The following ANKRD30BL variants were observed in gnomAD, a reference collection of about 807,000 sequenced individuals.
ANKRD30BL encodes the protein putative ankyrin repeat domain-containing protein 30B-like.
Under a neutral mutation model 18.4 loss-of-function variants are expected in ANKRD30BL, and 20 were observed. That is an observed-to-expected ratio of 1.09 (90% CI 0.77 to 1.58). The LOEUF (loss-of-function observed/expected upper bound fraction) is 1.58. Ranked by LOEUF, ANKRD30BL falls within the 40% of genes most tolerant of loss-of-function variation. ANKRD30BL has a pLI of 0.00. For missense variants in ANKRD30BL, 224 were observed against 268.6 expected, an observed-to-expected ratio of 0.83 and a Z score of 1.16; for synonymous variants, 72 against 100.9, an observed-to-expected ratio of 0.71 and a Z score of 1.72.
At chr2:132,200,876 A>G (rs931607975) in intron 1 of ANKRD30BL, among the ~76,000 whole-genome samples, 7 of 152,178 alleles carry the variant, frequency 4.6e-5, no homozygotes, top group African/African-American at 1.7e-4. Flanking sequence ...GAGGCATCAC[A>G]CTACCTGACT....
At chr2:132,173,907 T>C (rs1189178864) in intron 1 of ANKRD30BL, among the ~76,000 whole-genome samples, 1 of 152,194 alleles carries the variant, frequency 6.6e-6, no homozygotes, top group African/African-American at 2.4e-5. Context: ...GAATTTACAA[T>C]AACACACCTG....
intron 1 of ANKRD30BL, among the ~76,000 whole-genome samples, chr2:132,254,490 T>A (rs1187412729): frequency 1.3e-5 from 2 of 152,242 alleles, no homozygotes; most frequent in African/African-American, 4.8e-5. Flanking sequence ...CACTAAACCA[T>A]CCAATCAGGA....
At chr2:132,178,446 T>C (rs531292848) in intron 1 of ANKRD30BL, among the ~76,000 whole-genome samples, 2 of 152,266 alleles carry the variant, frequency 1.3e-5, no homozygotes, top group Admixed American at 1.3e-4. Context: ...AAATGCATGG[T>C]AGTTAGAATG....
chr2:132,199,927 AAACGAATCC>A (rs1679060500), intron 1 of ANKRD30BL, among the ~76,000 whole-genome samples: 2 of 152,206 alleles, frequency 1.3e-5, no homozygotes, highest in South Asian at 4.1e-4. Context: ...AATACTGGCA[AAACGAATCC>A]AGCAGCACAT....
At chr2:132,217,744 A>T (rs1344013481) in intron 1 of ANKRD30BL, among the ~76,000 whole-genome samples, 2 of 152,178 alleles carry the variant, frequency 1.3e-5, no homozygotes, top group Admixed American at 1.3e-4. Context: ...TATTTCAACC[A>T]GTTTGAGGTC....
At chr2:132,240,580 C>G (rs1346082023) in intron 1 of ANKRD30BL, among the ~76,000 whole-genome samples, 2 of 151,756 alleles carry the variant, frequency 1.3e-5, no homozygotes, top group Non-Finnish European at 2.9e-5. Flanking sequence ...TTTGATAGAG[C>G]AGAGTTGAAA....
chr2:132,211,177 G>A (rs1679337836), intron 1 of ANKRD30BL, among the ~76,000 whole-genome samples: 1 of 152,016 alleles, frequency 6.6e-6, no homozygotes, highest in Non-Finnish European at 1.5e-5. Flanking sequence ...GAATCTGCAA[G>A]TGGATATTTG....
At chr2:132,199,003 T>C (rs1185140219) in intron 1 of ANKRD30BL, among the ~76,000 whole-genome samples, 7 of 152,178 alleles carry the variant, frequency 4.6e-5, no homozygotes, top group Non-Finnish European at 1.0e-4. Flanking sequence ...GCTGAAGTTA[T>C]AAAATTACTT....
At chr2:132,197,549 T>G (rs1369399799) in intron 1 of ANKRD30BL, among the ~76,000 whole-genome samples, 1 of 151,936 alleles carries the variant, frequency 6.6e-6, no homozygotes, top group Non-Finnish European at 1.5e-5. Flanking sequence ...AATGATTAAC[T>G]CATTTATCTT....
Position 132,161,310 on chromosome 2 carries a change from T to TG in ANKRD30BL, c.218+177dup, listed in dbSNP as rs1688050015. Among the ~76,000 whole-genome samples the TG allele has an allele frequency of 3.3e-5, 5 of 152,176 alleles. No individual in the cohort carries two copies. The South Asian group carries it at 1.0e-3, about 32-fold the overall frequency. ...CTGCAGGGCGCCCTCATCCAAGGCC[T>TG]GGGGGACCTGCCCGGGAAGAAGGCC... is the stretch of plus-strand genomic sequence containing the variant. On this transcript the variant is annotated intron_variant, in intron 1 of 5. Coordinates refer to ENST00000409867, the MANE Select transcript of ANKRD30BL (RefSeq NM_001358416.1).
At chr2:132,166,350 A>G (rs1289487858), upstream of ANKRD30BL, among the ~76,000 whole-genome samples, 2 of 149,310 alleles carry the variant, frequency 1.3e-5, no homozygotes, top group African/African-American at 4.9e-5. Context: ...TTTCTTGAAA[A>G]GTCTGTGGAA....
intron 1 of ANKRD30BL, chr2:132,253,309 C>A (rs73957362): frequency 0.041 from 6,272 of 152,944 alleles, 444 homozygotes; most frequent in African/African-American, 0.14. Context: ...AAAAGTCATA[C>A]AAGGTTGATT....
intron 1 of ANKRD30BL, among the ~76,000 whole-genome samples, chr2:132,194,489 G>T (rs1187955559): frequency 2.0e-5 from 3 of 152,176 alleles, no homozygotes; most frequent in African/African-American, 4.8e-5. Context: ...TGTATGTGAG[G>T]ATGTTTCCAG....
At chr2:132,213,227 C>T (rs1679402323) in intron 1 of ANKRD30BL, among the ~76,000 whole-genome samples, 1 of 149,200 alleles carries the variant, frequency 6.7e-6, no homozygotes, top group African/African-American at 2.5e-5. Flanking sequence ...TGAACTTCTC[C>T]TTAGATTGAG....
chr2:132,176,514 G>A (rs566459110), intron 1 of ANKRD30BL, among the ~76,000 whole-genome samples: 1 of 152,306 alleles, frequency 6.6e-6, no homozygotes, highest in Non-Finnish European at 1.5e-5. Context: ...AGGAGGCTGA[G>A]GCAGGAGAAT....
At chr2:132,226,767 C>A (rs571222259) in intron 1 of ANKRD30BL, among the ~76,000 whole-genome samples, 17 of 150,800 alleles carry the variant, frequency 1.1e-4, no homozygotes, top group African/African-American at 4.1e-4. Flanking sequence ...CAGAGTTGAA[C>A]CTTTCTTTTG....
chr2:132,150,318 A>T (rs1687726128), intron 5 of ANKRD30BL, among the ~76,000 whole-genome samples: 1 of 138,744 alleles, frequency 7.2e-6, no homozygotes, highest in South Asian at 2.3e-4. Flanking sequence ...TTGTTTATTT[A>T]ACAGTTTATT....
At chr2:132,175,568 T>C (rs995630435) in intron 1 of ANKRD30BL, among the ~76,000 whole-genome samples, 1 of 152,226 alleles carries the variant, frequency 6.6e-6, no homozygotes, top group Non-Finnish European at 1.5e-5. Context: ...CTTTCCTGTT[T>C]TACTAATCCA....
At chr2:132,220,565 T>C (rs1256873269) in intron 1 of ANKRD30BL, among the ~76,000 whole-genome samples, 1 of 151,942 alleles carries the variant, frequency 6.6e-6, no homozygotes, top group African/African-American at 2.4e-5. Flanking sequence ...GGGGTTTCGC[T>C]GTGTTGGCCA....
Sources: allele counts gnomAD v4.1 joint callset (sites outside exome capture counted in the v4.1 genomes callset), GRCh38; gene constraint gnomAD v4.1.1; transcripts MANE v1.5; gene names NCBI Gene and HGNC (gene_info 2026-07-23, HGNC 2026-07-21).